TACC2: variants seen among roughly 807,000 people sequenced by gnomAD.
TACC2 encodes the protein transforming acidic coiled-coil-containing protein 2.
In TACC2, 137 loss-of-function variants were observed where a neutral mutation model predicts 227.3. That is an observed-to-expected ratio of 0.60 (90% confidence interval 0.52 to 0.69). The LOEUF is 0.69. Ranked by LOEUF, TACC2 falls within the 30% of genes least tolerant of loss-of-function variation. The pLI, the probability that TACC2 is intolerant of heterozygous loss-of-function variation, is 0.00. For missense variants in TACC2, 3,470 were observed against 3,694.4 expected, an observed-to-expected ratio of 0.94 and a Z score of 1.57; for synonymous variants, 1,523 against 1,487.5, an observed-to-expected ratio of 1.02 and a Z score of -0.55.
chr10:122,222,089 C>G (rs752220340), intron 11 of TACC2, among the ~76,000 whole-genome samples: 1 of 152,242 alleles, frequency 6.6e-6, no homozygotes, highest in Non-Finnish European at 1.5e-5. Context: ...CAAGGACCAT[C>G]TCCTCCAGTT....
Position 122,248,703 on chromosome 10 carries a change from AGG to A in TACC2, c.8454_8455del (p.Glu2819AlafsTer21). On this transcript the variant is annotated frameshift_variant, in exon 20 of 23. Transcript: ENST00000369005. LOFTEE classifies it high-confidence loss of function. Reference sequence around the variant, plus strand: ...ACGGTGCAGCAGCTGGTTCTGGAGAAGGAGCAAGCCCTGGCCGACCTGAACTC... The same window carrying A: ...ACGGTGCAGCAGCTGGTTCTGGAGAAAGCAAGCCCTGGCCGACCTGAACTC... 6.2e-7 allele frequency: 1 copy of A among 1,614,080 alleles called. No individual in the cohort carries two copies. The highest frequency in any genetic ancestry group is 8.5e-7 in the Non-Finnish European group (1 of 1,180,040).
At position 122,050,333 on chromosome 10, in the gene TACC2, A is replaced by C. The variant is rs1259642319; in HGVS notation, c.34-105A>C. ...TCGTTGGACGGCAGAGCAAGTGAAC[A>C]ACCTTACCTTGAATGCTGTGGTGGG... is the stretch of plus-strand genomic sequence containing the variant. On this transcript the variant is annotated intron_variant, in intron 2 of 22. Coordinates refer to ENST00000369005, the MANE Select transcript of TACC2 (RefSeq NM_206862.4). This position sits in a 1 kb window ranked among gnomAD's most constrained non-coding sequence, Gnocchi z 4.6. 1.2e-6 allele frequency: 1 copy of C among 844,752 alleles called. No homozygotes were observed. The highest frequency in any genetic ancestry group is 1.9e-6 in the Non-Finnish European group (1 of 525,326). The allele number at this position is 844,752 out of a possible 1,614,324, so 52.3% of individuals were successfully genotyped here.
chr10:122,002,191 G>A (rs1565037283), intron 1 of TACC2, among the ~76,000 whole-genome samples: 1 of 152,160 alleles, frequency 6.6e-6, no homozygotes, highest in Non-Finnish European at 1.5e-5. Flanking sequence ...CTTCTTACAA[G>A]GGTACTAATC....
intron 1 of TACC2, among the ~76,000 whole-genome samples, chr10:122,012,981 G>A (rs1291437119): frequency 1.3e-5 from 2 of 152,362 alleles, no homozygotes; most frequent in South Asian, 2.1e-4. Flanking sequence ...TCCTGGCAGA[G>A]CTTCTTGAAG....
At chr10:122,142,589 G>T (rs1308465478) in intron 6 of TACC2, among the ~76,000 whole-genome samples, 1 of 152,204 alleles carries the variant, frequency 6.6e-6, no homozygotes, top group Non-Finnish European at 1.5e-5. Flanking sequence ...CACGCACCCT[G>T]GACTCCTGCA....
intron 6 of TACC2, among the ~76,000 whole-genome samples, chr10:122,139,331 C>A (rs1481636581): frequency 6.6e-6 from 1 of 152,220 alleles, no homozygotes. Context: ...GGGCTGCTCA[C>A]GCTCTCACGT....
chr10:122,026,313 CAAA>C (rs71022883), intron 2 of TACC2, among the ~76,000 whole-genome samples: 18 of 71,202 alleles, frequency 2.5e-4, no homozygotes, highest in East Asian at 2.3e-3. Flanking sequence ...GACTCTGTCT[CAAA>C]AAAAAAAAAA....
rs117213543 is a variant in TACC2 at position 122,058,083 on chromosome 10, C to T, written c.146+7533C>T. On this transcript the variant is annotated intron_variant, in intron 3 of 22. Transcript: ENST00000369005. ...CCACCCACCATGGAGTGGTTCAGCA[C>T]CCTGAGTGCCTTCGCACCCTCTGCG... Among the ~76,000 whole-genome samples the T allele has an allele frequency of 9.4e-3, 1,436 of 152,358 alleles. 13 individuals carry two copies. Among genetic ancestry groups the T allele is most frequent in the Middle Eastern group, 0.024 (7 of 294 alleles).
At chr10:122,075,117 G>T (rs2078618962) in intron 3 of TACC2, among the ~76,000 whole-genome samples, 1 of 151,608 alleles carries the variant, frequency 6.6e-6, no homozygotes, top group South Asian at 2.1e-4. Flanking sequence ...ACAGTATAGG[G>T]CAACCCGCTC....
At chr10:122,172,261 G>C (rs1244988146) in intron 7 of TACC2, among the ~76,000 whole-genome samples, 4 of 152,222 alleles carry the variant, frequency 2.6e-5, no homozygotes, top group Admixed American at 1.3e-4. Context: ...TTGACATTTA[G>C]AAAATACCTG....
chr10:122,059,117 C>G (rs4623831), intron 3 of TACC2, among the ~76,000 whole-genome samples: 4 of 144,902 alleles, frequency 2.8e-5, no homozygotes, highest in Admixed American at 7.0e-5. Flanking sequence ...GGGGTTTCAC[C>G]ATGTTGGTCA....
intron 1 of TACC2, among the ~76,000 whole-genome samples, chr10:122,018,283 C>A (rs1473541595): frequency 6.6e-6 from 1 of 152,122 alleles, no homozygotes; most frequent in African/African-American, 2.4e-5. Context: ...TCATCCATGT[C>A]CCTGCAAAAG....
At chr10:122,224,629 C>A in intron 11 of TACC2, 97 bp from the exon 12 acceptor site, 1 of 1,054,640 alleles carries the variant, frequency 9.5e-7, no homozygotes, top group Non-Finnish European at 1.5e-6. Context: ...CTTGTGATAG[C>A]TCCCACCCTG....
rs780010998 is a variant in TACC2 at position 122,086,199 on chromosome 10, T to C, written c.3699T>C (p.Pro1233=). Residue 1233 remains proline (P), a synonymous_variant, in exon 4 of 23, where the codon CCT becomes CCC. Coordinates refer to ENST00000369005, the MANE Select transcript of TACC2 (RefSeq NM_206862.4). The part of the protein sequence containing the change: ...LLSGPPEVAA[P]DTPYLHVDSA... ...CTGGGCCACCAGAAGTGGCTGCTCC[T>C]GACACCCCTTACCTGCATGTCGACA... 3 of 1,613,540 alleles carry C rather than the reference T, an allele frequency of 1.9e-6. No homozygotes were observed. The highest frequency in any genetic ancestry group is 1.7e-6 in the Non-Finnish European group (2 of 1,179,980).
At chr10:122,129,060 A>ATTATTATTATTATT (rs1555055945) in intron 5 of TACC2, among the ~76,000 whole-genome samples, 24 of 128,554 alleles carry the variant, frequency 1.9e-4, no homozygotes, top group African/African-American at 6.1e-4. Context: ...ATCTTATTTT[A>ATTATTATTATTATT]ATTATTATTA....
At chr10:122,064,448 T>C (rs2136512523) in intron 3 of TACC2, among the ~76,000 whole-genome samples, 1 of 152,332 alleles carries the variant, frequency 6.6e-6, no homozygotes, top group South Asian at 2.1e-4. Flanking sequence ...TAATATGTTC[T>C]TAGAAACTGC....
At position 122,087,508 on chromosome 10, in the gene TACC2, G is replaced by A. The variant is rs774554714; in HGVS notation, c.5008G>A (p.Glu1670Lys). The change falls in exon 4 of 23, where the codon GAA becomes AAA. Residue 1670 changes from glutamate to lysine, a missense_variant. Physicochemically the swap from Glu to Lys is moderately conservative, Grantham distance 56. Coordinates refer to ENST00000369005, the MANE Select transcript of TACC2 (RefSeq NM_206862.4). ...ACCCGGAGTCACTGCTGGCATCTTG[G>A]AAATGCGAAATGCCCTGGGCAACCA... ...RRPGVTAGIL[E>K]MRNALGNQST... is the part of the protein sequence containing the mutation. 15 of 1,613,840 alleles carry A rather than the reference G, an allele frequency of 9.3e-6. No homozygotes were observed. The Admixed American group carries it at 1.3e-4, about 14-fold the overall frequency.
In TACC2 at chr10:122,084,901, G is replaced by C. The variant is rs2079931781; in HGVS notation, c.2401G>C (p.Asp801His). 1 of 1,613,946 alleles carries C rather than the reference G, an allele frequency of 6.2e-7. No individual in the cohort carries two copies. Among genetic ancestry groups the C allele is most frequent in the African/African-American group, 1.3e-5 (1 of 74,922 alleles). The stretch of plus-strand genomic sequence containing the variant: ...GCTCACGGCACTCATCCTGGACCAA[G>C]ATCAGCAGGGAATCCCATCCTGCCC... ...LGLTALILDQDQQGIPSCPGE... is the reference protein window; with the variant it reads ...LGLTALILDQHQQGIPSCPGE... Residue 801 changes from aspartate to histidine, a missense_variant, in exon 4 of 23, where the codon GAT (aspartate) becomes CAT (histidine). Asp to His is a moderately conservative substitution (Grantham distance 81). This residue lies in a region of TACC2 where 1,924 missense variants were observed against 1,978.3 expected (regional missense o/e 0.97). Coordinates refer to ENST00000369005, the MANE Select transcript of TACC2 (RefSeq NM_206862.4).
At chr10:122,184,266 C>T (rs2094096173) in intron 7 of TACC2, among the ~76,000 whole-genome samples, 2 of 152,122 alleles carry the variant, frequency 1.3e-5, no homozygotes, top group South Asian at 2.1e-4. Flanking sequence ...TGGGGGAGCA[C>T]TTGGAGGGGG....
Sources: allele counts gnomAD v4.1 joint callset (sites outside exome capture counted in the v4.1 genomes callset), GRCh38; gene constraint gnomAD v4.1.1; regional missense constraint gnomAD v4.1.1; non-coding constraint Gnocchi (gnomAD v3.1); transcripts MANE v1.5; gene names NCBI Gene and HGNC (gene_info 2026-07-23, HGNC 2026-07-21).